The following ATRNL1 variants were observed in gnomAD, a reference collection of about 807,000 sequenced individuals.
The protein encoded by ATRNL1 is attractin-like protein 1.
Under a neutral mutation model 182.7 loss-of-function variants are expected in ATRNL1, and 95 were observed. The observed-to-expected ratio is 0.52, with a 90% CI of 0.44 to 0.62. The LOEUF (loss-of-function observed/expected upper bound fraction) is 0.62, where lower values mean the gene tolerates loss of function less well. Among genes scored for constraint, ATRNL1 ranks in the 20% least tolerant of loss-of-function variants. ATRNL1 has a pLI of 0.00. For missense variants in ATRNL1, 1,471 were observed against 1,679.5 expected (o/e 0.88, Z 2.17); for synonymous variants, 576 against 568.3 (o/e 1.01, Z -0.19).
chr10:115,502,630 G>A (rs566627285), intron 24 of ATRNL1, among the ~76,000 whole-genome samples: 43 of 151,936 alleles, frequency 2.8e-4, no homozygotes, highest in Admixed American at 2.5e-3. Flanking sequence ...CTTTATTAAG[G>A]AGTCGGTTAA....
chr10:115,891,689 G>A (rs2134464510), intron 28 of ATRNL1, among the ~76,000 whole-genome samples: 1 of 151,822 alleles, frequency 6.6e-6, no homozygotes, highest in East Asian at 1.9e-4. Flanking sequence ...TAGATAATTT[G>A]TATCCTTGAA....
intron 13 of ATRNL1, among the ~76,000 whole-genome samples, chr10:115,276,494 A>T (rs1489122222): frequency 1.3e-5 from 2 of 152,224 alleles, no homozygotes; most frequent in African/African-American, 4.8e-5. Context: ...AGATAGTGTA[A>T]GAGAGCAGAT....
intron 8 of ATRNL1, among the ~76,000 whole-genome samples, chr10:115,212,283 T>C (rs1209034124): frequency 6.8e-6 from 1 of 147,198 alleles, no homozygotes; most frequent in Admixed American, 6.9e-5. Flanking sequence ...TTTTATTTGT[T>C]ATTGTAGTTT....
intron 26 of ATRNL1, among the ~76,000 whole-genome samples, chr10:115,589,125 T>C (rs1555011327): frequency 1.3e-5 from 2 of 152,186 alleles, no homozygotes; most frequent in Non-Finnish European, 2.9e-5. Context: ...TGATGGTAGA[T>C]ACTGGAAAGA....
intron 28 of ATRNL1, among the ~76,000 whole-genome samples, chr10:115,917,646 A>G (rs1382530204): frequency 6.6e-6 from 1 of 152,146 alleles, no homozygotes; most frequent in Non-Finnish European, 1.5e-5. Context: ...CATCCTTACC[A>G]TGGAGTAAAA....
intron 28 of ATRNL1, among the ~76,000 whole-genome samples, chr10:115,895,292 C>T (rs1364571990): frequency 6.6e-6 from 1 of 152,198 alleles, no homozygotes. Context: ...CTGCACTGGT[C>T]CACCGGGGAT....
At chr10:115,161,074 G>A (rs554163731) in intron 6 of ATRNL1, among the ~76,000 whole-genome samples, 6 of 151,868 alleles carry the variant, frequency 4.0e-5, no homozygotes, top group African/African-American at 1.4e-4. Flanking sequence ...AATTTTGCAT[G>A]GGTCATTCTT....
At position 115,367,682 on chromosome 10, in the gene ATRNL1, T is replaced by C. The variant is rs995543239; in HGVS notation, c.3176-26977T>C. On this transcript the variant is annotated intron_variant, in intron 19 of 28. Coordinates refer to ENST00000355044, the MANE Select transcript of ATRNL1 (RefSeq NM_207303.4). ...CTTTTGGTCGTCGATGATGGTGATG[T>C]ACATATGGGTTTTTGGTGTGGATGT... 2.5e-4 allele frequency among the ~76,000 whole-genome samples: 32 copies of C among 128,200 alleles called. 2 individuals carry two copies. The highest frequency in any genetic ancestry group is 6.3e-4 in the Admixed American group (8 of 12,760). The allele number at this position is 128,200 out of a possible 152,430, so 84.1% of individuals were successfully genotyped here. A position where few individuals can be genotyped will look rare whatever the true frequency, so the allele number is the denominator to read the frequency against.
intron 24 of ATRNL1, among the ~76,000 whole-genome samples, chr10:115,488,936 A>G (rs192774425): frequency 2.0e-5 from 3 of 152,156 alleles, no homozygotes; most frequent in Admixed American, 2.0e-4. Context: ...CTTTGTTCTC[A>G]TTGGTTTCAA....
At chr10:115,230,891 G>T (rs1019638140) in intron 9 of ATRNL1, among the ~76,000 whole-genome samples, 1 of 92,392 alleles carries the variant, frequency 1.1e-5, no homozygotes, top group South Asian at 4.0e-4. Context: ...GAGAGAGAGA[G>T]AGAGAGAGAG....
chr10:115,248,588 T>A (rs1322423711), intron 10 of ATRNL1, among the ~76,000 whole-genome samples: 2 of 152,016 alleles, frequency 1.3e-5, no homozygotes, highest in Non-Finnish European at 2.9e-5. Flanking sequence ...ATAAAATAAT[T>A]TCGCCTACTT....
intron 28 of ATRNL1, among the ~76,000 whole-genome samples, chr10:115,912,807 T>C (rs563676169): frequency 6.6e-6 from 1 of 152,300 alleles, no homozygotes; most frequent in African/African-American, 2.4e-5. Flanking sequence ...CTTGGAAGAA[T>C]GTCATCACTC....
intron 25 of ATRNL1, among the ~76,000 whole-genome samples, chr10:115,524,131 C>T (rs547197366): frequency 3.9e-5 from 6 of 152,104 alleles, no homozygotes; most frequent in East Asian, 1.9e-4. Flanking sequence ...TTTTAAATAA[C>T]CAGCTGTCAT....
At chr10:115,750,048 A>G (rs554001471) in intron 27 of ATRNL1, among the ~76,000 whole-genome samples, 2 of 151,918 alleles carry the variant, frequency 1.3e-5, no homozygotes, top group Non-Finnish European at 2.9e-5. Flanking sequence ...TCATTTATAC[A>G]TTTTAAATAG....
chr10:115,366,313 CTG>C (rs1857034096), intron 19 of ATRNL1, among the ~76,000 whole-genome samples: 1 of 151,670 alleles, frequency 6.6e-6, no homozygotes, highest in Non-Finnish European at 1.5e-5. Flanking sequence ...GGTTTAAAGT[CTG>C]TTTTGTCAGA....
chr10:115,240,148 A>G (rs1266875282), intron 9 of ATRNL1, among the ~76,000 whole-genome samples: 1 of 151,700 alleles, frequency 6.6e-6, no homozygotes, highest in African/African-American at 2.4e-5. Flanking sequence ...TTCTTAGGTT[A>G]ATGGTTGCTT....
At chr10:115,881,116 G>C (rs1179217473) in intron 28 of ATRNL1, among the ~76,000 whole-genome samples, 1 of 152,168 alleles carries the variant, frequency 6.6e-6, no homozygotes, top group Non-Finnish European at 1.5e-5. Context: ...TCTATGAAGG[G>C]CTTTCCCTGT....
At chr10:115,886,114 G>T (rs929446193) in intron 28 of ATRNL1, among the ~76,000 whole-genome samples, 7 of 152,264 alleles carry the variant, frequency 4.6e-5, no homozygotes, top group African/African-American at 1.7e-4. Flanking sequence ...TGGTTCCACC[G>T]AGTGAAACCA....
At position 115,632,144 on chromosome 10, in the gene ATRNL1, G is replaced by A. The variant is rs11197359; in HGVS notation, c.3795+82608G>A. Among the ~76,000 whole-genome samples the A allele has an allele frequency of 6.0e-4, 92 of 152,216 alleles. 1 individual carries two copies. The East Asian group carries it at 0.017, about 27-fold the overall frequency. ...AATTAATTCTGGAAAACAATTAACT[G>A]TGGAATTATATAGATCCCAGCAGTA... On this transcript the variant is annotated intron_variant, in intron 26 of 28. Coordinates refer to ENST00000355044, the MANE Select transcript of ATRNL1 (RefSeq NM_207303.4).
Sources: allele counts gnomAD v4.1 joint callset (sites outside exome capture counted in the v4.1 genomes callset), GRCh38; gene constraint gnomAD v4.1.1; transcripts MANE v1.5; gene names NCBI Gene and HGNC (gene_info 2026-07-23, HGNC 2026-07-21).